Variants in LRBA observed in about 807,000 individuals in gnomAD.
LRBA encodes the protein lipopolysaccharide-responsive and beige-like anchor protein.
LRBA carries 176 observed loss-of-function variants against 330.0 expected under a neutral mutation model. The ratio of observed to expected loss-of-function variants is 0.53; its 90% confidence interval spans 0.47 to 0.60. LRBA has a LOEUF of 0.60. Among genes scored for constraint, LRBA ranks in the 20% least tolerant of loss-of-function variants. The pLI, the probability that LRBA is intolerant of heterozygous loss-of-function variation, is 0.00. For synonymous variants in LRBA, 1,230 were observed against 1,193.0 expected (o/e 1.03, Z -0.64); for missense variants, 3,259 against 3,444.8 (o/e 0.95, Z 1.35).
At chr4:150,682,218 T>C (rs1166633064) in intron 37 of LRBA, among the ~76,000 whole-genome samples, 5 of 152,122 alleles carry the variant, frequency 3.3e-5, no homozygotes, top group Non-Finnish European at 5.9e-5. Flanking sequence ...CAAAATGATA[T>C]CAAATCTGTA....
chr4:150,376,687 A>C (rs947323170), intron 47 of LRBA, among the ~76,000 whole-genome samples: 1 of 152,242 alleles, frequency 6.6e-6, no homozygotes, highest in Non-Finnish European at 1.5e-5. Context: ...TAAGTTTTTA[A>C]ATGAACACTG....
At chr4:150,388,340 C>T (rs1263576178) in intron 47 of LRBA, among the ~76,000 whole-genome samples, 1 of 152,238 alleles carries the variant, frequency 6.6e-6, no homozygotes, top group African/African-American at 2.4e-5. Context: ...TAGCATTCTG[C>T]CTCTAACCTC....
chr4:150,454,103 G>A (rs995752052), intron 44 of LRBA, among the ~76,000 whole-genome samples: 1 of 152,068 alleles, frequency 6.6e-6, no homozygotes, highest in Non-Finnish European at 1.5e-5. Context: ...TGGGATTACA[G>A]GCACGCACCA....
intron 35 of LRBA, among the ~76,000 whole-genome samples, chr4:150,745,508 G>GT (rs1329440432): frequency 1.3e-5 from 2 of 151,916 alleles, no homozygotes; most frequent in African/African-American, 4.8e-5. Flanking sequence ...AAAAACCTTT[G>GT]TTTTTTGTTT....
intron 2 of LRBA, among the ~76,000 whole-genome samples, chr4:150,995,823 T>C (rs1267620642): frequency 6.6e-6 from 1 of 152,038 alleles, no homozygotes; most frequent in Non-Finnish European, 1.5e-5. Context: ...TTGGAAAAAT[T>C]TGGATATTAG....
intron 2 of LRBA, among the ~76,000 whole-genome samples, chr4:150,981,831 C>T (rs983895781): frequency 6.6e-6 from 1 of 151,754 alleles, no homozygotes; most frequent in African/African-American, 2.4e-5. Flanking sequence ...GTGGTGGTGG[C>T]GGGTGCCTGT....
At chr4:150,639,198 T>C (rs1778239498) in intron 37 of LRBA, among the ~76,000 whole-genome samples, 1 of 117,040 alleles carries the variant, frequency 8.5e-6, no homozygotes, top group Admixed American at 9.4e-5. Context: ...CTCTGGGGAC[T>C]GTGGTGGGGT....
In LRBA at chr4:150,831,816, C is replaced by G; in HGVS notation, c.4729+1G>C. On this transcript the variant is annotated splice_donor_variant, in intron 29 of 56. Coordinates refer to ENST00000651943, the MANE Select transcript of LRBA (RefSeq NM_001364905.1). LOFTEE classifies it high-confidence loss of function. ...CAAAGGAATAGAAAATGCAAACTTA[C>G]CAGAGAGTGATACATTCTCATTTTC... The G allele has an allele frequency of 1.9e-6, 3 of 1,581,600 alleles. No individual in the cohort carries two copies. The highest frequency in any genetic ancestry group is 2.6e-6 in the Non-Finnish European group (3 of 1,164,068).
intron 28 of LRBA, among the ~76,000 whole-genome samples, chr4:150,839,191 C>T (rs200387068): frequency 6.6e-6 from 1 of 152,150 alleles, no homozygotes; most frequent in Non-Finnish European, 1.5e-5. Flanking sequence ...CAATGAGATA[C>T]CATCTCACAC....
At chr4:150,980,667 G>A (rs558859049) in intron 2 of LRBA, among the ~76,000 whole-genome samples, 23 of 152,042 alleles carry the variant, frequency 1.5e-4, no homozygotes, top group African/African-American at 5.3e-4. Context: ...AGGGGAAGGG[G>A]AATCCAAATT....
chr4:150,644,485 GA>G (rs1188525067), intron 37 of LRBA, among the ~76,000 whole-genome samples: 1 of 151,852 alleles, frequency 6.6e-6, no homozygotes, highest in East Asian at 1.9e-4. Flanking sequence ...TGTATCCAGA[GA>G]AAACAAAATT....
At chr4:150,742,625 C>A (rs1732163154) in intron 35 of LRBA, among the ~76,000 whole-genome samples, 1 of 152,096 alleles carries the variant, frequency 6.6e-6, no homozygotes, top group African/African-American at 2.4e-5. Context: ...AGGCCAGGTA[C>A]AGTGGCTCAT....
Position 150,867,824 on chromosome 4 carries a change from A to G in LRBA, c.2613T>C (p.Leu871=). The G allele has an allele frequency of 6.2e-7, 1 of 1,613,634 alleles. No homozygotes were observed. The highest frequency in any genetic ancestry group is 8.5e-7 in the Non-Finnish European group (1 of 1,179,766). The part of the protein sequence containing the change: ...LQCSVWQEWM[L]SLCYFNPKNS... ...TCTTAGGATTAAAATAGCAGAGAGAAAGCATCCATTCTTGCCACACAGAGC... is the reference window on the plus strand; with the variant it reads ...TCTTAGGATTAAAATAGCAGAGAGAGAGCATCCATTCTTGCCACACAGAGC... The change falls in exon 22 of 57, where the codon CTT becomes CTC. Residue 871 remains leucine (L), a synonymous_variant. Coordinates refer to ENST00000651943, the MANE Select transcript of LRBA (RefSeq NM_001364905.1).
intron 31 of LRBA, among the ~76,000 whole-genome samples, chr4:150,809,908 A>C (rs1743439006): frequency 6.8e-6 from 1 of 147,846 alleles, no homozygotes; most frequent in Admixed American, 6.7e-5. Flanking sequence ...ACGATACGAT[A>C]CGATACGATA....
chr4:150,323,143 T>C (rs1357284375), intron 49 of LRBA, among the ~76,000 whole-genome samples: 1 of 152,072 alleles, frequency 6.6e-6, no homozygotes, highest in East Asian at 1.9e-4. Context: ...AAGAACGTTT[T>C]ATATAGTTTT....
At chr4:150,302,522 A>G (rs1411326610) in intron 53 of LRBA, 103 bp downstream of exon 53, 4 of 611,168 alleles carry the variant, frequency 6.5e-6, no homozygotes, top group Non-Finnish European at 1.1e-5. Flanking sequence ...AAAATACTTG[A>G]TAATCCTGTC....
intron 20 of LRBA, 64 bp downstream of exon 20, chr4:150,870,461 T>C (rs1042191982): frequency 2.4e-6 from 2 of 846,942 alleles, no homozygotes; most frequent in Non-Finnish European, 4.1e-6. Flanking sequence ...TTTTAGGTTG[T>C]TCACAGTGAC....
chr4:150,424,881 T>C (rs186666316), intron 46 of LRBA, among the ~76,000 whole-genome samples: 1 of 152,348 alleles, frequency 6.6e-6, no homozygotes, highest in Admixed American at 6.5e-5. Flanking sequence ...TAAACTATAT[T>C]GCAGTCTCAT....
At chr4:150,306,220 G>C (rs924480432) in intron 52 of LRBA, among the ~76,000 whole-genome samples, 1 of 151,978 alleles carries the variant, frequency 6.6e-6, no homozygotes, top group Non-Finnish European at 1.5e-5. Context: ...TATGTTTAAA[G>C]AATTTCCTGT....
Sources: allele counts gnomAD v4.1 joint callset (sites outside exome capture counted in the v4.1 genomes callset), GRCh38; gene constraint gnomAD v4.1.1; transcripts MANE v1.5; gene names NCBI Gene and HGNC (gene_info 2026-07-23, HGNC 2026-07-21).